Variants in ERC2 observed in about 807,000 individuals in gnomAD.
ERC2 encodes the protein ELKS/RAB6-interacting/CAST family member 2.
ERC2 carries 42 observed loss-of-function variants against 114.8 expected under a neutral mutation model. The ratio of observed to expected loss-of-function variants is 0.37; its 90% CI spans 0.29 to 0.47. ERC2 has a LOEUF of 0.47. Among genes scored for constraint, ERC2 ranks in the 20% least tolerant of loss-of-function variants. ERC2 has a pLI of 0.99. For missense variants in ERC2, 939 were observed against 1,150.7 expected, an observed-to-expected ratio of 0.82 and a Z score of 2.66; for synonymous variants, 454 against 425.5, an observed-to-expected ratio of 1.07 and a Z score of -0.82.
At chr3:55,896,635 C>T (rs2149335916) in intron 13 of ERC2, among the ~76,000 whole-genome samples, 1 of 152,294 alleles carries the variant, frequency 6.6e-6, no homozygotes, top group Middle Eastern at 3.4e-3. Context: ...TTCACAGCCA[C>T]CTCAGAAGTC....
chr3:56,168,501 T>G (rs2082442209), intron 4 of ERC2, among the ~76,000 whole-genome samples: 1 of 152,156 alleles, frequency 6.6e-6, no homozygotes, highest in Non-Finnish European at 1.5e-5. Context: ...GTCAAAGAAG[T>G]GGCAGCTACT....
chr3:56,359,677 CTG>C (rs2058874798), intron 2 of ERC2, among the ~76,000 whole-genome samples: 1 of 152,210 alleles, frequency 6.6e-6, no homozygotes, highest in South Asian at 2.1e-4. Context: ...ACTCATGGTT[CTG>C]TACTCTGTAA....
At chr3:56,115,949 C>G (rs993819350) in intron 6 of ERC2, among the ~76,000 whole-genome samples, 1 of 152,184 alleles carries the variant, frequency 6.6e-6, no homozygotes, top group Admixed American at 6.5e-5. Flanking sequence ...CCCTTAGGCC[C>G]CATGCAGAGC....
chr3:56,406,097 C>T (rs761282555), intron 2 of ERC2, among the ~76,000 whole-genome samples: 2 of 150,532 alleles, frequency 1.3e-5, no homozygotes, highest in Non-Finnish European at 3.0e-5. Context: ...TGTGCCATGT[C>T]GGCCAGGCTT....
Position 55,617,683 on chromosome 3 carries a change from AT to A in ERC2, c.*39+66110del, listed in dbSNP as rs1449453396. 4.6e-5 allele frequency among the ~76,000 whole-genome samples: 7 copies of A among 152,294 alleles called. No individual in the cohort carries two copies. The South Asian group carries it at 1.5e-3, about 32-fold the overall frequency. ...AAGTTTATCTGCCTGCCACTTGAACATTTTCTGTCTGCCTACACTTCAGTGA... is the reference window on the plus strand; with the variant it reads ...AAGTTTATCTGCCTGCCACTTGAACATTTCTGTCTGCCTACACTTCAGTGA... On this transcript the variant is annotated intron_variant, in intron 17 of 17. Transcript: ENST00000288221.
At chr3:56,015,271 C>T (rs1014655407) in intron 8 of ERC2, among the ~76,000 whole-genome samples, 1 of 152,036 alleles carries the variant, frequency 6.6e-6, no homozygotes, top group African/African-American at 2.4e-5. Flanking sequence ...CATAGGTAAA[C>T]GTGTGTAATG....
chr3:56,206,024 T>TTGATGGAA (rs1365086093), intron 3 of ERC2, among the ~76,000 whole-genome samples: 4 of 152,194 alleles, frequency 2.6e-5, no homozygotes. Context: ...AACCTGTGAC[T>TTGATGGAA]GTAAGTTCAT....
intron 12 of ERC2, among the ~76,000 whole-genome samples, chr3:55,965,683 T>A (rs947804530): frequency 2.0e-5 from 3 of 152,232 alleles, no homozygotes; most frequent in Non-Finnish European, 4.4e-5. Context: ...GCTTAACTTA[T>A]GCTCAATGGG....
At chr3:55,970,774 A>C (rs2069099428) in intron 12 of ERC2, among the ~76,000 whole-genome samples, 1 of 152,216 alleles carries the variant, frequency 6.6e-6, no homozygotes, top group African/African-American at 2.4e-5. Flanking sequence ...TTTTGAATAC[A>C]ATTTGGCAGT....
chr3:56,292,266 C>A (rs928404904), intron 3 of ERC2, among the ~76,000 whole-genome samples: 3 of 151,944 alleles, frequency 2.0e-5, no homozygotes, highest in Non-Finnish European at 4.4e-5. Context: ...CTGCCAAGCA[C>A]AATTTGGGGA....
intron 6 of ERC2, among the ~76,000 whole-genome samples, chr3:56,094,991 G>A (rs145594426): frequency 1.4e-4 from 22 of 152,304 alleles, no homozygotes; most frequent in Admixed American, 7.8e-4. Context: ...AGTGGCTAAC[G>A]CCTATAATCC....
chr3:55,693,134 T>C (rs147559848), intron 16 of ERC2, among the ~76,000 whole-genome samples: 1 of 152,300 alleles, frequency 6.6e-6, no homozygotes, highest in Non-Finnish European at 1.5e-5. Flanking sequence ...ACTATTTATA[T>C]CCACAGACAG....
chr3:56,158,369 T>G (rs2081854944), intron 4 of ERC2, among the ~76,000 whole-genome samples: 1 of 152,218 alleles, frequency 6.6e-6, no homozygotes, highest in Non-Finnish European at 1.5e-5. Context: ...CTTTTCAACA[T>G]GCAAACTATG....
intron 2 of ERC2, among the ~76,000 whole-genome samples, chr3:56,420,710 C>T (rs2061354274): frequency 6.6e-6 from 1 of 150,822 alleles, no homozygotes; most frequent in South Asian, 2.1e-4. Context: ...ACGGTGAAAC[C>T]CCGTCTCTAC....
chr3:56,032,917 A>G lies in ERC2; in HGVS notation c.1642-13886T>C, dbSNP rs13084886. Among the ~76,000 whole-genome samples the G allele has an allele frequency of 5.5e-3, 413 of 75,752 alleles. 4 individuals carry two copies. The highest frequency in any genetic ancestry group is 0.014 in the Admixed American group (82 of 5,678). The allele number at this position is 75,752 out of a possible 152,430, so 49.7% of individuals were successfully genotyped here. On this transcript the variant is annotated intron_variant, in intron 7 of 17. Coordinates refer to ENST00000288221, the MANE Select transcript of ERC2 (RefSeq NM_015576.3). ...AGAGAGAGACAGAAAGAAAGAAAGAAAGAAAGAAAGAAAGAAAGAAAGAAA... is the reference window on the plus strand; with the variant it reads ...AGAGAGAGACAGAAAGAAAGAAAGAGAGAAAGAAAGAAAGAAAGAAAGAAA...
At chr3:56,249,803 T>G (rs2052006632) in intron 3 of ERC2, among the ~76,000 whole-genome samples, 1 of 152,104 alleles carries the variant, frequency 6.6e-6, no homozygotes, top group African/African-American at 2.4e-5. Flanking sequence ...TAGTATCCAT[T>G]TTATCTGACA....
intron 15 of ERC2, among the ~76,000 whole-genome samples, chr3:55,704,883 C>T (rs2063404526): frequency 6.6e-6 from 1 of 152,220 alleles, no homozygotes. Context: ...TAATTATGTG[C>T]CAGGCTAAGT....
intron 2 of ERC2, among the ~76,000 whole-genome samples, chr3:56,311,255 C>CTCTCTCTCTA (rs1314796268): frequency 6.3e-5 from 5 of 79,076 alleles, no homozygotes; most frequent in African/African-American, 5.7e-5. Flanking sequence ...CTCTCTCTCT[C>CTCTCTCTCTA]TATATATATA....
chr3:55,590,725 G>A (rs976749999), intron 17 of ERC2, among the ~76,000 whole-genome samples: 1 of 152,200 alleles, frequency 6.6e-6, no homozygotes, highest in African/African-American at 2.4e-5. Context: ...GGAAAACATT[G>A]GGAAAGACAT....
Sources: gnomAD v4.1 joint callset for allele counts (sites outside exome capture counted in the v4.1 genomes callset) on GRCh38, gnomAD v4.1.1 for gene constraint, MANE v1.5 for transcripts, NCBI Gene and HGNC (gene_info 2026-07-23, HGNC 2026-07-21) for gene names.